The following USP45 variants were observed in gnomAD, a reference collection of about 807,000 sequenced individuals.
The protein encoded by USP45 is ubiquitin carboxyl-terminal hydrolase 45.
Under a neutral mutation model 95.8 loss-of-function variants are expected in USP45, and 89 were observed. The observed-to-expected ratio is 0.93, with a 90% CI of 0.78 to 1.11. The LOEUF (loss-of-function observed/expected upper bound fraction) is 1.11. Among genes scored for constraint, USP45 ranks in the 50% least tolerant of loss-of-function variants. The pLI, the probability that USP45 is intolerant of heterozygous loss-of-function variation, is 0.00. For missense variants in USP45, 898 were observed against 942.5 expected (o/e 0.95, Z 0.62); for synonymous variants, 281 against 316.2 (o/e 0.89, Z 1.18).
chr6:99,443,389 A>G (rs1216624071), intron 15 of USP45, among the ~76,000 whole-genome samples, 176 bp downstream of exon 15: 2 of 152,216 alleles, frequency 1.3e-5, no homozygotes, highest in Non-Finnish European at 2.9e-5. Flanking sequence ...GAATTAAACA[A>G]TTTTAATCAG....
chr6:99,468,876 T>C (rs1461941281), intron 9 of USP45, among the ~76,000 whole-genome samples: 1 of 152,202 alleles, frequency 6.6e-6, no homozygotes, highest in East Asian at 1.9e-4. Flanking sequence ...AATGTATTTT[T>C]ATCAGTGTAC....
intron 12 of USP45, 154 bp downstream of exon 12, chr6:99,464,926 A>G: frequency 1.1e-6 from 1 of 947,202 alleles, no homozygotes; most frequent in Non-Finnish European, 1.5e-6. Flanking sequence ...GCATACTTAC[A>G]CAAACCCCCA....
intron 4 of USP45, among the ~76,000 whole-genome samples, 197 bp from the exon 5 acceptor site, chr6:99,504,062 T>C (rs1201223372): frequency 1.3e-5 from 2 of 152,198 alleles, no homozygotes; most frequent in East Asian, 1.9e-4. Flanking sequence ...AATGAAAGTT[T>C]TGGCAGTTTA....
In USP45 at chr6:99,437,369, C is replaced by A. The variant is rs1431683241; in HGVS notation, c.2191G>T (p.Gly731Cys). The A allele has an allele frequency of 1.2e-6, 2 of 1,604,232 alleles. No homozygotes were observed. The highest frequency in any genetic ancestry group is 1.7e-6 in the Non-Finnish European group (2 of 1,177,234). Residue 731 changes from glycine (G) to cysteine (C), a missense_variant, in exon 17 of 18, where the codon GGT (glycine) becomes TGT (cysteine). Gly to Cys is a radical substitution (Grantham distance 159, BLOSUM62 -3). Transcript: ENST00000500704. ...NASVGDKVLY[G>C]LYGIVEHSGS... The stretch of plus-strand genomic sequence containing the variant: ...CTATGTTCCACTATGCCATAGAGAC[C>A]GTAGAGAACTTTATCTCCCACACTT...
rs112767733 is a variant in USP45 at position 99,437,094 on chromosome 6, C to CTCAATCAATCAA, written c.2314+140_2314+151dup. The CTCAATCAATCAA allele has an allele frequency of 4.2e-3, 3,205 of 762,170 alleles. 25 individuals carry two copies. Among genetic ancestry groups the CTCAATCAATCAA allele is most frequent in the Non-Finnish European group, 5.2e-3 (2,582 of 491,864 alleles). The allele number at this position is 762,170 out of a possible 1,614,324, so 47.2% of individuals were successfully genotyped here. Reference sequence around the variant, plus strand: ...CCAGCTTGGATGACTGAGACTCTGTCTCAATCAATCAATCAATCAATCAAT... The same window carrying CTCAATCAATCAA: ...CCAGCTTGGATGACTGAGACTCTGTCTCAATCAATCAATCAATCAATCAATCAATCAATCAAT... On this transcript the variant is annotated intron_variant, in intron 17 of 17. Coordinates refer to ENST00000500704, the MANE Select transcript of USP45 (RefSeq NM_001346022.3).
chr6:99,461,853 A>T (rs944373702), intron 13 of USP45: 1 of 983,724 alleles, frequency 1.0e-6, no homozygotes, highest in Non-Finnish European at 1.2e-6. Context: ...TAACAGCTTC[A>T]CTAATCAGCA....
At chr6:99,507,980 C>T (rs1488835252) in intron 3 of USP45, among the ~76,000 whole-genome samples, 1 of 152,180 alleles carries the variant, frequency 6.6e-6, no homozygotes, top group Non-Finnish European at 1.5e-5. Context: ...GAAGTCAAAT[C>T]CGCTGAATCT....
At chr6:99,462,017 T>C (rs1341110234) in intron 13 of USP45, 10 of 985,044 alleles carry the variant, frequency 1.0e-5, no homozygotes, top group Non-Finnish European at 2.4e-6. Context: ...TTTATGTCAT[T>C]TAAATTTTCG....
intron 10 of USP45, 33 bp downstream of exon 10, chr6:99,468,497 TTTTCTTA>T: frequency 7.6e-7 from 1 of 1,314,844 alleles, no homozygotes; most frequent in African/African-American, 1.5e-5. Context: ...AATTTTAATA[TTTTCTTA>T]AAGAAAAAAG....
At chr6:99,440,634 A>G (rs985240388) in intron 15 of USP45, among the ~76,000 whole-genome samples, 1 of 152,172 alleles carries the variant, frequency 6.6e-6, no homozygotes, top group East Asian at 1.9e-4. Flanking sequence ...TACTAATCAC[A>G]AGTTTACTGT....
intron 5 of USP45, among the ~76,000 whole-genome samples, chr6:99,499,061 C>T (rs1047895219): frequency 1.3e-5 from 2 of 151,928 alleles, no homozygotes; most frequent in East Asian, 3.9e-4. Flanking sequence ...CAGGAGTGAG[C>T]CACCCATATA....
chr6:99,470,405 AC>A (rs2128649525), intron 9 of USP45, among the ~76,000 whole-genome samples: 1 of 152,290 alleles, frequency 6.6e-6, no homozygotes, highest in South Asian at 2.1e-4. Context: ...ACCGAGTTTC[AC>A]TTATTACTAA....
At chr6:99,455,471 A>G (rs1784842607) in intron 13 of USP45, among the ~76,000 whole-genome samples, 1 of 135,818 alleles carries the variant, frequency 7.4e-6, no homozygotes, top group African/African-American at 2.5e-5. Context: ...AACAACAACA[A>G]CAACAACAAC....
intron 12 of USP45, 91 bp from the exon 13 acceptor site, chr6:99,464,838 C>CA (rs1250648011): frequency 3.0e-5 from 40 of 1,345,922 alleles, no homozygotes; most frequent in Non-Finnish European, 4.0e-5. Context: ...ACTTGAAATA[C>CA]AAAAAATTAA....
At chr6:99,513,284 G>A (rs1353060210) in intron 1 of USP45, among the ~76,000 whole-genome samples, 5 of 152,028 alleles carry the variant, frequency 3.3e-5, no homozygotes, top group African/African-American at 1.2e-4. Context: ...TTCACCTTCT[G>A]GTCAACTTAC....
chr6:99,437,105 A>AATCAATCG lies in USP45; in HGVS notation c.2314+140_2314+141insCGATTGAT. Reference sequence around the variant, plus strand: ...GACTGAGACTCTGTCTCAATCAATCAATCAATCAATCAATTAAGTTAAAAT... The same window carrying AATCAATCG: ...GACTGAGACTCTGTCTCAATCAATCAATCAATCGATCAATCAATCAATTAAGTTAAAAT... On this transcript the variant is annotated intron_variant, in intron 17 of 17. Transcript: ENST00000500704. 6.5e-6 allele frequency: 6 copies of AATCAATCG among 921,142 alleles called. No individual in the cohort carries two copies. In the South Asian group the frequency reaches 1.0e-4, roughly 16 times the overall value. The allele number at this position is 921,142 out of a possible 1,614,324, so 57.1% of individuals were successfully genotyped here.
At chr6:99,461,171 T>C (rs1172617062) in intron 13 of USP45, 7 of 985,168 alleles carry the variant, frequency 7.1e-6, no homozygotes, top group South Asian at 4.7e-5. Context: ...AACTGAACTT[T>C]TGGATTTCTT....
rs1197349506 is a variant in USP45, at chr6:99,455,843, A to G, written c.1308+8761T>C. On this transcript the variant is annotated intron_variant, in intron 13 of 17. Coordinates refer to ENST00000500704, the MANE Select transcript of USP45 (RefSeq NM_001346022.3). The stretch of plus-strand genomic sequence containing the variant: ...CTAAAAAAAAAAAAAAAAAAAAAAA[A>G]AAAAAGTTGGGGCAGGCGCAGTGGC... Among the ~76,000 whole-genome samples the G allele has an allele frequency of 7.5e-4, 113 of 150,380 alleles. 1 individual carries two copies. Among genetic ancestry groups the G allele is most frequent in the Non-Finnish European group, 1.3e-3 (91 of 67,442 alleles).
chr6:99,462,851 G>A (rs1786833469), intron 13 of USP45: 2 of 213,762 alleles, frequency 9.4e-6, no homozygotes, highest in African/African-American at 2.4e-5. Context: ...GGGCATGGTG[G>A]TGTGCACATG....
Sources: allele counts gnomAD v4.1 joint callset (sites outside exome capture counted in the v4.1 genomes callset), GRCh38; gene constraint gnomAD v4.1.1; transcripts MANE v1.5; gene names NCBI Gene and HGNC (gene_info 2026-07-23, HGNC 2026-07-21).